PDS5B: variants seen among roughly 807,000 people sequenced by gnomAD.
PDS5B encodes sister chromatid cohesion protein PDS5 homolog B.
A neutral mutation model predicts 184.1 loss-of-function variants in PDS5B; 51 were observed. The ratio of observed to expected loss-of-function variants is 0.28; its 90% confidence interval spans 0.22 to 0.35. PDS5B has a LOEUF of 0.35. PDS5B is among the 10% of genes least tolerant of loss of function. The pLI is 1.00. For missense variants in PDS5B, 1,180 were observed against 1,723.3 expected, an observed-to-expected ratio of 0.68 and a Z score of 5.58; for synonymous variants, 566 against 569.2, an observed-to-expected ratio of 0.99 and a Z score of 0.08.
At chr13:32,674,141 A>G (rs1034551101) in intron 8 of PDS5B, among the ~76,000 whole-genome samples, 1 of 152,128 alleles carries the variant, frequency 6.6e-6, no homozygotes, top group Admixed American at 6.5e-5. Context: ...GCATGTTCCT[A>G]ACTGTTTTGA....
chr13:32,614,843 G>C (rs141824751), intron 1 of PDS5B, among the ~76,000 whole-genome samples: 1 of 152,180 alleles, frequency 6.6e-6, no homozygotes, highest in East Asian at 1.9e-4. Context: ...TGATTTTCTT[G>C]TATCTTCCTC....
intron 2 of PDS5B, 151 bp from the exon 3 acceptor site, chr13:32,651,653 G>A (rs1424090950): frequency 1.9e-6 from 1 of 535,804 alleles, no homozygotes; most frequent in Non-Finnish European, 3.3e-6. Context: ...GTAGTTTTAG[G>A]AGAATTGTGT....
In PDS5B at chr13:32,652,843, A is replaced by G. The variant is rs931416099; in HGVS notation, c.312+836A>G. 2.6e-5 allele frequency among the ~76,000 whole-genome samples: 4 copies of G among 152,192 alleles called. No homozygotes were observed. The East Asian group carries it at 7.7e-4, about 29-fold the overall frequency. On this transcript the variant is annotated intron_variant, in intron 3 of 34. Coordinates refer to ENST00000315596, the MANE Select transcript of PDS5B (RefSeq NM_015032.4). ...GTACTTGGTTACAGTAATTGTAAGT[A>G]AAACTATATAAATGCAAAATCTTTA...
intron 3 of PDS5B, among the ~76,000 whole-genome samples, chr13:32,656,793 T>C (rs915400268): frequency 3.9e-5 from 6 of 151,986 alleles, no homozygotes; most frequent in African/African-American, 1.4e-4. Flanking sequence ...GATGGGGTTT[T>C]GCCATGTTGG....
chr13:32,735,041 T>A (rs1297328608), intron 20 of PDS5B, 131 bp from the exon 21 acceptor site: 1 of 524,756 alleles, frequency 1.9e-6, no homozygotes, highest in African/African-American at 2.0e-5. Flanking sequence ...TTATTGAAAT[T>A]TTTGTAGTTT....
chr13:32,647,592 T>A (rs959220536), intron 1 of PDS5B, among the ~76,000 whole-genome samples: 1 of 152,224 alleles, frequency 6.6e-6, no homozygotes, highest in Non-Finnish European at 1.5e-5. Flanking sequence ...TTAATGGTTT[T>A]TCGTATCTGC....
In PDS5B at chr13:32,732,105, T is replaced by C. The variant is rs746370570; in HGVS notation, c.2128T>C (p.Leu710=). 1.9e-6 allele frequency: 3 copies of C among 1,608,430 alleles called. No homozygotes were observed. The highest frequency in any genetic ancestry group is 1.7e-4 in the Middle Eastern group (1 of 6,030). ...TCTTTGATTTTTTTTTAATAGAGCCTTGCTTCCTGTTTTACATCACAAATC... is the reference window on the plus strand; with the variant it reads ...TCTTTGATTTTTTTTTAATAGAGCCCTGCTTCCTGTTTTACATCACAAATC... ...EEDFPHIRSA[L]LPVLHHKSKK... Residue 710 remains leucine (L), a synonymous_variant, in exon 20 of 35, where the codon TTG becomes CTG. Transcript: ENST00000315596.
intron 1 of PDS5B, among the ~76,000 whole-genome samples, chr13:32,588,944 A>G (rs933031765): frequency 6.6e-6 from 1 of 152,346 alleles, no homozygotes; most frequent in African/African-American, 2.4e-5. Flanking sequence ...TGGGGAAGGA[A>G]TATTTCGGGA....
At chr13:32,608,478 A>G (rs1187270842) in intron 1 of PDS5B, among the ~76,000 whole-genome samples, 2 of 152,182 alleles carry the variant, frequency 1.3e-5, no homozygotes, top group African/African-American at 4.8e-5. Flanking sequence ...ATTGATATAT[A>G]TATTTTTAAC....
At chr13:32,715,797 T>A (rs1379875102) in intron 19 of PDS5B, among the ~76,000 whole-genome samples, 1 of 152,108 alleles carries the variant, frequency 6.6e-6, no homozygotes, top group Non-Finnish European at 1.5e-5. Context: ...TGCCTGCGAT[T>A]GCAGGTGCGC....
At chr13:32,648,989 A>G in intron 2 of PDS5B, 109 bp downstream of exon 2, 1 of 693,566 alleles carries the variant, frequency 1.4e-6, no homozygotes, top group African/African-American at 1.8e-5. Flanking sequence ...AAGCAAAGCA[A>G]AGCAGCAAAT....
At chr13:32,654,009 A>G (rs940653541) in intron 3 of PDS5B, among the ~76,000 whole-genome samples, 2 of 152,240 alleles carry the variant, frequency 1.3e-5, no homozygotes, top group South Asian at 2.1e-4. Flanking sequence ...CTAACAGGAC[A>G]ATTTATGAGA....
At chr13:32,670,498 G>A (rs900447613) in intron 7 of PDS5B, among the ~76,000 whole-genome samples, 4 of 152,152 alleles carry the variant, frequency 2.6e-5, no homozygotes, top group African/African-American at 9.7e-5. Context: ...AAAGTGCTAA[G>A]ATTATAGGCG....
chr13:32,758,282 T>C, intron 27 of PDS5B, 63 bp downstream of exon 27: 1 of 1,287,216 alleles, frequency 7.8e-7, no homozygotes, highest in Non-Finnish European at 1.1e-6. Flanking sequence ...GTGTAAAGTA[T>C]GAAACTTCTG....
intron 19 of PDS5B, among the ~76,000 whole-genome samples, chr13:32,710,521 A>C (rs1019196712): frequency 3.3e-5 from 5 of 152,248 alleles, no homozygotes; most frequent in African/African-American, 4.8e-5. Flanking sequence ...GTCGAGAAGC[A>C]TGGAATACTT....
At chr13:32,627,391 A>G (rs1289495213) in intron 1 of PDS5B, among the ~76,000 whole-genome samples, 2 of 152,154 alleles carry the variant, frequency 1.3e-5, no homozygotes, top group Non-Finnish European at 2.9e-5. Context: ...CTGTTGAGTT[A>G]TTTGCATCTC....
Position 32,758,658 on chromosome 13 carries a change from T to C in PDS5B, c.3309+5T>C, listed in dbSNP as rs756948964. ...TTCTTCACTCAACCTGACAAGGTAG[T>C]TACTTTACAATTTGTTTGTGTAAGT... On this transcript the variant is annotated splice_donor_5th_base_variant and intron_variant, in intron 28 of 34. Coordinates refer to ENST00000315596, the MANE Select transcript of PDS5B (RefSeq NM_015032.4). 2 of 1,613,042 alleles carry C rather than the reference T, an allele frequency of 1.2e-6. No individual in the cohort carries two copies. The highest frequency in any genetic ancestry group is 1.1e-5 in the South Asian group (1 of 90,970).
At chr13:32,756,964 A>T (rs536389589) in intron 26 of PDS5B, among the ~76,000 whole-genome samples, 1 of 152,136 alleles carries the variant, frequency 6.6e-6, no homozygotes, top group East Asian at 1.9e-4. Context: ...CTCTACTAAA[A>T]GTACAACAAA....
intron 16 of PDS5B, 183 bp from the exon 17 acceptor site, chr13:32,701,140 A>G: frequency 2.1e-6 from 1 of 487,206 alleles, no homozygotes; most frequent in Non-Finnish European, 3.7e-6. Flanking sequence ...ATTACTTGAA[A>G]TATTACCTTT....
Sources: allele counts gnomAD v4.1 joint callset (sites outside exome capture counted in the v4.1 genomes callset), GRCh38; gene constraint gnomAD v4.1.1; transcripts MANE v1.5; gene names NCBI Gene and HGNC (gene_info 2026-07-23, HGNC 2026-07-21).